The following PCCA variants were observed in gnomAD, a reference collection of about 807,000 sequenced individuals.
The protein encoded by PCCA is propionyl-CoA carboxylase alpha chain, mitochondrial.
Under a neutral mutation model 101.3 loss-of-function variants are expected in PCCA, and 74 were observed. The ratio of observed to expected loss-of-function variants is 0.73; its 90% CI spans 0.61 to 0.89. PCCA has a LOEUF of 0.89. Among genes scored for constraint, PCCA ranks in the 40% least tolerant of loss-of-function variants. The pLI, the probability that PCCA is intolerant of heterozygous loss-of-function variation, is 0.00. For synonymous variants in PCCA, 294 were observed against 313.6 expected (o/e 0.94, Z 0.66); for missense variants, 891 against 907.0 (o/e 0.98, Z 0.23).
intron 12 of PCCA, among the ~76,000 whole-genome samples, chr13:100,292,927 C>A (rs1221803115): frequency 3.3e-5 from 2 of 61,424 alleles, no homozygotes; most frequent in Non-Finnish European, 6.8e-5. Flanking sequence ...ATACACCTTT[C>A]CAAATTCGTG....
intron 22 of PCCA, among the ~76,000 whole-genome samples, chr13:100,524,701 A>G (rs2087605532): frequency 1.3e-5 from 2 of 152,114 alleles, no homozygotes; most frequent in African/African-American, 2.4e-5. Context: ...GTAATACCCT[A>G]TCTGTACTAA....
chr13:100,273,236 C>G lies in PCCA; in HGVS notation c.955C>G (p.Gln319Glu), dbSNP rs750840362. Residue 319 changes from glutamine to glutamate, a missense_variant, in exon 12 of 24, where the codon CAA becomes GAA. Coordinates refer to ENST00000376285, the MANE Select transcript of PCCA (RefSeq NM_000282.4). Reference sequence around the variant, plus strand: ...GGAGACTCGAAGAGCGATGGGAGAACAAGCTGTAGCTCTTGCCAGAGCAGT... The same window carrying G: ...GGAGACTCGAAGAGCGATGGGAGAAGAAGCTGTAGCTCTTGCCAGAGCAGT... ...DAETRRAMGE[Q>E]AVALARAVKY... The G allele has an allele frequency of 5.6e-5, 90 of 1,612,106 alleles. No homozygotes were observed. The South Asian group carries it at 5.8e-4, about 10-fold the overall frequency.
At chr13:100,478,960 G>C (rs1291930557) in intron 21 of PCCA, among the ~76,000 whole-genome samples, 2 of 152,094 alleles carry the variant, frequency 1.3e-5, no homozygotes, top group Admixed American at 6.5e-5. Flanking sequence ...CACACAATTT[G>C]ACTCTGCATG....
At chr13:100,505,350 G>A (rs2085987087) in intron 21 of PCCA, among the ~76,000 whole-genome samples, 1 of 152,176 alleles carries the variant, frequency 6.6e-6, no homozygotes, top group Admixed American at 6.5e-5. Flanking sequence ...AATTCACTAT[G>A]CTTTTAACTG....
intron 21 of PCCA, among the ~76,000 whole-genome samples, chr13:100,509,847 T>TTTTGTTTTGC (rs757585032): frequency 6.6e-6 from 1 of 152,182 alleles, no homozygotes; most frequent in African/African-American, 2.4e-5. Context: ...TTTTGTTTTG[T>TTTTGTTTTGC]TTTGTTTTGT....
At position 100,353,983 on chromosome 13, in the gene PCCA, G is replaced by A. The variant is rs139718426; in HGVS notation, c.1643+13724G>A. Among the ~76,000 whole-genome samples, 7 of 151,166 alleles carry A rather than the reference G, an allele frequency of 4.6e-5. No individual in the cohort carries two copies. The East Asian group carries it at 1.4e-3, about 30-fold the overall frequency. On this transcript the variant is annotated intron_variant, in intron 18 of 23. Coordinates refer to ENST00000376285, the MANE Select transcript of PCCA (RefSeq NM_000282.4). Reference sequence around the variant, plus strand: ...AAAAGAAGAAATAAAGCTGGGTGTGGGTTTGGTGGCTAACGCCTGTAATCC... The same window carrying A: ...AAAAGAAGAAATAAAGCTGGGTGTGAGTTTGGTGGCTAACGCCTGTAATCC...
chr13:100,464,171 T>C (rs1399610019), intron 21 of PCCA, among the ~76,000 whole-genome samples: 3 of 152,196 alleles, frequency 2.0e-5, no homozygotes, highest in Admixed American at 6.5e-5. Flanking sequence ...TTACAAGTTA[T>C]GTGTTCACAG....
In PCCA at chr13:100,089,093, A is replaced by C. The variant is rs551856213; in HGVS notation, c.-28A>C. ...ACCCCCTCCGGCTGTGTGAGAGGTC[A>C]GCAGAGGGGCGGTCTGCGGGGACAA... is the stretch of plus-strand genomic sequence containing the variant. On this transcript the variant is annotated 5_prime_UTR_variant, in exon 1 of 24. Transcript: ENST00000376285. 2 of 1,445,298 alleles carry C rather than the reference A, an allele frequency of 1.4e-6. No homozygotes were observed. Among genetic ancestry groups the C allele is most frequent in the South Asian group, 1.5e-5 (1 of 68,948 alleles). The allele number at this position is 1,445,298 out of a possible 1,614,324, so 89.5% of individuals were successfully genotyped here.
intron 19 of PCCA, among the ~76,000 whole-genome samples, chr13:100,400,958 T>C (rs2077327175): frequency 6.6e-6 from 1 of 152,078 alleles, no homozygotes; most frequent in South Asian, 2.1e-4. Flanking sequence ...GGTAATGATG[T>C]CTTTTTCTTC....
chr13:100,515,362 A>C, intron 21 of PCCA, 65 bp from the exon 22 acceptor site: 1 of 1,445,806 alleles, frequency 6.9e-7, no homozygotes, highest in Non-Finnish European at 9.7e-7. Flanking sequence ...ATTTAGAATG[A>C]ATGCTACTTT....
At chr13:100,300,370 T>C (rs1054724713) in intron 12 of PCCA, among the ~76,000 whole-genome samples, 5 of 152,162 alleles carry the variant, frequency 3.3e-5, no homozygotes, top group Non-Finnish European at 7.4e-5. Context: ...ACTATGGCAT[T>C]GTCTGCTTAT....
chr13:100,113,744 A>G (rs1344161472), intron 4 of PCCA, among the ~76,000 whole-genome samples: 1 of 151,750 alleles, frequency 6.6e-6, no homozygotes, highest in Non-Finnish European at 1.5e-5. Flanking sequence ...ACGCTCGGCT[A>G]ATTTTTGTAT....
chr13:100,348,830 TC>T (rs1479619112), intron 18 of PCCA, among the ~76,000 whole-genome samples: 66 of 149,384 alleles, frequency 4.4e-4, no homozygotes, highest in African/African-American at 6.9e-4. Flanking sequence ...CTTTCTTTTC[TC>T]TCTCTTTTTC....
chr13:100,089,303 G>C lies in PCCA; in HGVS notation c.105+78G>C, dbSNP rs894879149. ...GCCGCCTCTGGGCGGCTGGCGCCGG[G>C]AGAGCGCTGGCTGGGTCCGGCTGCC... On this transcript the variant is annotated intron_variant, in intron 1 of 23. Transcript: ENST00000376285. 6 of 1,340,708 alleles carry C rather than the reference G, an allele frequency of 4.5e-6. No individual in the cohort carries two copies. The African/African-American group carries it at 9.2e-5, about 21-fold the overall frequency. The allele number at this position is 1,340,708 out of a possible 1,614,324, so 83.1% of individuals were successfully genotyped here.
intron 21 of PCCA, among the ~76,000 whole-genome samples, chr13:100,501,557 C>T (rs1012592006): frequency 1.3e-5 from 2 of 152,172 alleles, no homozygotes; most frequent in African/African-American, 4.8e-5. Context: ...GCAGCTTCAG[C>T]GTCTCCTGGG....
At chr13:100,397,082 G>A (rs1177772854) in intron 19 of PCCA, among the ~76,000 whole-genome samples, 3 of 152,116 alleles carry the variant, frequency 2.0e-5, no homozygotes, top group Non-Finnish European at 4.4e-5. Context: ...CTGAGTGTCT[G>A]TTGCAAACTC....
chr13:100,206,518 C>T (rs2058863644), intron 6 of PCCA, among the ~76,000 whole-genome samples: 1 of 152,154 alleles, frequency 6.6e-6, no homozygotes, highest in Admixed American at 6.5e-5. Flanking sequence ...CCTTGGCCTC[C>T]CAAAGTGCTG....
intron 19 of PCCA, among the ~76,000 whole-genome samples, chr13:100,379,501 G>A (rs866491536): frequency 1.3e-5 from 2 of 152,324 alleles, no homozygotes; most frequent in African/African-American, 2.4e-5. Context: ...TAATATTTGT[G>A]AATTGAAAAA....
At chr13:100,357,239 C>A (rs1473945530) in intron 18 of PCCA, among the ~76,000 whole-genome samples, 1 of 152,184 alleles carries the variant, frequency 6.6e-6, no homozygotes, top group Non-Finnish European at 1.5e-5. Context: ...GTCTGTTACA[C>A]ATTTTATATT....
Sources: gnomAD v4.1 joint callset for allele counts (sites outside exome capture counted in the v4.1 genomes callset) on GRCh38, gnomAD v4.1.1 for gene constraint, MANE v1.5 for transcripts, NCBI Gene and HGNC (gene_info 2026-07-23, HGNC 2026-07-21) for gene names.